The following AXDND1 variants were observed in gnomAD, a reference collection of about 807,000 sequenced individuals.
AXDND1 encodes the protein axonemal dynein light chain domain-containing protein 1.
AXDND1 carries 110 observed loss-of-function variants against 137.5 expected under a neutral mutation model. The ratio of observed to expected loss-of-function variants is 0.80; its 90% CI spans 0.69 to 0.94. The LOEUF (loss-of-function observed/expected upper bound fraction) is 0.94, where lower values mean the gene tolerates loss of function less well. Among genes scored for constraint, AXDND1 ranks in the 40% least tolerant of loss-of-function variants. The pLI, the probability that AXDND1 is intolerant of heterozygous loss-of-function variation, is 0.00. For synonymous variants in AXDND1, 414 were observed against 399.7 expected, an observed-to-expected ratio of 1.04 and a Z score of -0.43; for missense variants, 1,191 against 1,169.8, an observed-to-expected ratio of 1.02 and a Z score of -0.26.
At chr1:179,424,197 C>T (rs947564642) in intron 12 of AXDND1, among the ~76,000 whole-genome samples, 3 of 151,898 alleles carry the variant, frequency 2.0e-5, no homozygotes, top group African/African-American at 7.3e-5. Context: ...TCCTTCCTGC[C>T]CTGTATGGTT....
intron 9 of AXDND1, among the ~76,000 whole-genome samples, chr1:179,392,467 T>C (rs1362160879): frequency 6.6e-6 from 1 of 152,232 alleles, no homozygotes; most frequent in East Asian, 1.9e-4. Flanking sequence ...ATATAATGAC[T>C]TATTTTCCTG....
chr1:179,432,354 T>C lies in AXDND1; in HGVS notation c.1563+12T>C. ...AACAGTGGCAGAAGGTAAGACTTTT[T>C]AATAAAGAGCTTGGCAATCAAAGTG... On this transcript the variant is annotated intron_variant, in intron 15 of 25. Transcript: ENST00000367618. 1 of 1,557,898 alleles carries C rather than the reference T, an allele frequency of 6.4e-7. No individual in the cohort carries two copies. The highest frequency in any genetic ancestry group is 8.7e-7 in the Non-Finnish European group (1 of 1,149,716).
chr1:179,441,293 C>T (rs148571473), intron 15 of AXDND1, among the ~76,000 whole-genome samples: 1,688 of 152,262 alleles, frequency 0.011, 61 homozygotes, highest in Admixed American at 0.068. Context: ...TAACATATGG[C>T]GGCATTCCTT....
rs1670878632 is a variant in AXDND1 at position 179,529,717 on chromosome 1, G to T, written c.2715+1286G>T. Among the ~76,000 whole-genome samples, 5 of 152,272 alleles carry T rather than the reference G, an allele frequency of 3.3e-5. No individual in the cohort carries two copies. In the South Asian group the frequency reaches 1.0e-3, roughly 32 times the overall value. On this transcript the variant is annotated intron_variant, in intron 23 of 25. Transcript: ENST00000367618. ...CTCAATCTCTCCTGGGTCCTGGAAAGGCATAGAAAGGGGAAGCGGCGGTGA... is the reference window on the plus strand; with the variant it reads ...CTCAATCTCTCCTGGGTCCTGGAAATGCATAGAAAGGGGAAGCGGCGGTGA...
At chr1:179,540,188 C>G (rs1254637667) in intron 25 of AXDND1, among the ~76,000 whole-genome samples, 1 of 152,112 alleles carries the variant, frequency 6.6e-6, no homozygotes, top group East Asian at 1.9e-4. Flanking sequence ...CTGAAGCCTA[C>G]TTCTGTTAAC....
intron 21 of AXDND1, among the ~76,000 whole-genome samples, chr1:179,513,284 AT>A (rs1279137095): frequency 2.6e-5 from 4 of 152,118 alleles, no homozygotes; most frequent in African/African-American, 7.2e-5. Context: ...GGGATGCTGG[AT>A]TTTGTTGAAT....
chr1:179,537,631 C>T (rs1384101015), intron 25 of AXDND1, among the ~76,000 whole-genome samples: 1 of 152,186 alleles, frequency 6.6e-6, no homozygotes, highest in Non-Finnish European at 1.5e-5. Flanking sequence ...CAATGTTCAT[C>T]AGGGATATTG....
chr1:179,444,832 C>T (rs1301912466), intron 15 of AXDND1, 138 bp from the exon 16 acceptor site: 2 of 532,830 alleles, frequency 3.8e-6, no homozygotes, highest in African/African-American at 1.9e-5. Context: ...TGTCATATAC[C>T]ATCTCTTTGG....
chr1:179,542,943 C>T (rs1672305840), intron 25 of AXDND1, among the ~76,000 whole-genome samples: 1 of 152,198 alleles, frequency 6.6e-6, no homozygotes, highest in Admixed American at 6.5e-5. Context: ...CTACTCACGG[C>T]AGTCCCTGTG....
chr1:179,411,355 T>C (rs1653848449), intron 12 of AXDND1, 89 bp downstream of exon 12: 3 of 1,535,286 alleles, frequency 2.0e-6, no homozygotes, highest in Non-Finnish European at 2.6e-6. Context: ...TGTTTTGTTT[T>C]GTTTTGAAAG....
chr1:179,387,676 G>GT (rs1157888389), intron 9 of AXDND1, among the ~76,000 whole-genome samples: 1 of 152,150 alleles, frequency 6.6e-6, no homozygotes. Context: ...ATCCTGTTAG[G>GT]TCTTTAGGTG....
At chr1:179,502,068 T>G (rs1479593716) in intron 20 of AXDND1, among the ~76,000 whole-genome samples, 5 of 152,128 alleles carry the variant, frequency 3.3e-5, no homozygotes, top group Non-Finnish European at 7.4e-5. Flanking sequence ...AAAGGACCAG[T>G]ATCCAGAATA....
intron 25 of AXDND1, among the ~76,000 whole-genome samples, chr1:179,538,438 T>G (rs1323199346): frequency 6.6e-6 from 1 of 152,220 alleles, no homozygotes; most frequent in Non-Finnish European, 1.5e-5. Context: ...TCTGCCCTCA[T>G]TTTGTTGTTT....
At chr1:179,423,154 T>C (rs2125279368) in intron 12 of AXDND1, among the ~76,000 whole-genome samples, 1 of 152,240 alleles carries the variant, frequency 6.6e-6, no homozygotes. Context: ...TTATAATTGT[T>C]ATATCTTTTT....
At chr1:179,474,629 T>C (rs915381850) in intron 17 of AXDND1, among the ~76,000 whole-genome samples, 3 of 152,156 alleles carry the variant, frequency 2.0e-5, no homozygotes, top group Non-Finnish European at 1.5e-5. Context: ...TAGAGAGAGA[T>C]GATTTAGGGT....
chr1:179,372,384 C>T (rs552909676), intron 4 of AXDND1, among the ~76,000 whole-genome samples: 3 of 152,100 alleles, frequency 2.0e-5, no homozygotes, highest in Non-Finnish European at 2.9e-5. Flanking sequence ...ACTCCCAGAA[C>T]AGGGTGACAT....
At chr1:179,418,737 G>T in intron 12 of AXDND1, among the ~76,000 whole-genome samples, 1 of 151,248 alleles carries the variant, frequency 6.6e-6, no homozygotes, top group Non-Finnish European at 1.5e-5. Context: ...CCTCCCTCCC[G>T]GACGGGGTGG....
At chr1:179,425,916 A>C (rs1259974813) in intron 12 of AXDND1, among the ~76,000 whole-genome samples, 1 of 149,650 alleles carries the variant, frequency 6.7e-6, no homozygotes, top group Admixed American at 6.7e-5. Flanking sequence ...GGCTCACTGC[A>C]ACCTCTGCCT....
chr1:179,438,697 A>G (rs369674454), intron 15 of AXDND1, among the ~76,000 whole-genome samples: 1 of 152,078 alleles, frequency 6.6e-6, no homozygotes, highest in East Asian at 1.9e-4. Flanking sequence ...ACCTGAAAGT[A>G]GGGATATTAT....
Sources: gnomAD v4.1 joint callset for allele counts (sites outside exome capture counted in the v4.1 genomes callset) on GRCh38, gnomAD v4.1.1 for gene constraint, MANE v1.5 for transcripts, NCBI Gene and HGNC (gene_info 2026-07-23, HGNC 2026-07-21) for gene names.